The following NEB variants were observed in gnomAD, a reference collection of about 807,000 sequenced individuals.
NEB encodes the protein nebulin.
NEB carries 512 observed loss-of-function variants against 952.2 expected under a neutral mutation model. The observed-to-expected ratio is 0.54, with a 90% CI of 0.50 to 0.58. The LOEUF is 0.58. Ranked by LOEUF, NEB falls within the 20% of genes least tolerant of loss-of-function variation. NEB has a pLI of 0.00. For synonymous variants in NEB, 2,900 were observed against 3,149.8 expected (o/e 0.92, Z 2.66); for missense variants, 8,428 against 9,231.1 (o/e 0.91, Z 3.56).
At chr2:151,702,007 C>T (rs1218870202) in intron 13 of NEB, among the ~76,000 whole-genome samples, 4 of 149,302 alleles carry the variant, frequency 2.7e-5, no homozygotes, top group African/African-American at 5.0e-5. Context: ...GCATTTAGTG[C>T]TATAAATTCC....
intron 117 of NEB, 49 bp downstream of exon 117, chr2:151,564,995 A>G: frequency 8.8e-7 from 1 of 1,133,492 alleles, no homozygotes; most frequent in South Asian, 1.5e-5. Context: ...GAATGCAACA[A>G]GAGCTTCAAA....
intron 181 of NEB, among the ~76,000 whole-genome samples, chr2:151,487,357 A>T (rs1384630391): frequency 2.0e-5 from 3 of 152,178 alleles, no homozygotes. Flanking sequence ...GATGTAACCT[A>T]TATGGTTTTT....
In NEB at chr2:151,640,510, T is replaced by A. The variant is rs2098833425; in HGVS notation, c.8530A>T (p.Ser2844Cys). ...ACCCCCAGCATGTCCACTGGGCTGC[T>A]GAACTTGGTCTTCCACTTCTCAAAG... ...KDFEKWKTKF[S>C]SPVDMLGVVL... The change falls in exon 61 of 182, where the codon AGC (serine) becomes TGC (cysteine). Residue 2844 changes from serine to cysteine, a missense_variant. Physicochemically the swap from Ser to Cys is moderately radical, Grantham distance 112 (BLOSUM62 -1). Around this residue, in one of 11 missense-constraint regions of NEB, gnomAD observed 1,772 missense variants for 1,960.3 expected, o/e 0.90. Transcript: ENST00000397345. The A allele has an allele frequency of 3.1e-6, 5 of 1,613,868 alleles. No individual in the cohort carries two copies. The highest frequency in any genetic ancestry group is 4.2e-6 in the Non-Finnish European group (5 of 1,179,888).
chr2:151,501,186 T>C (rs912687360), intron 168 of NEB, among the ~76,000 whole-genome samples: 9 of 152,064 alleles, frequency 5.9e-5, no homozygotes, highest in African/African-American at 2.2e-4. Flanking sequence ...AAAGAAAAAG[T>C]TTTAAGGGAC....
At position 151,609,673 on chromosome 2, in the gene NEB, T is replaced by C. The variant is rs528135373; in HGVS notation, c.12330+136A>G. On this transcript the variant is annotated intron_variant, in intron 81 of 181. Coordinates refer to ENST00000397345, the MANE Select transcript of NEB (RefSeq NM_001164508.2). The stretch of plus-strand genomic sequence containing the variant: ...TAAAGATGGATTTTATATTAAACAA[T>C]GTGAATGGTACCCCCAGCCCCACCC... 1.4e-4 allele frequency: 88 copies of C among 650,504 alleles called. 1 individual carries two copies. In the South Asian group the frequency reaches 2.6e-3, roughly 19 times the overall value. 40.3% of individuals were successfully genotyped at this position (650,504 alleles called of 1,614,324 possible).
intron 27 of NEB, 94 bp downstream of exon 27, chr2:151,687,325 C>A (rs2099510466): frequency 3.9e-6 from 4 of 1,037,362 alleles, no homozygotes; most frequent in Non-Finnish European, 5.9e-6. Flanking sequence ...GTGAAAGAGC[C>A]CATGCTCATG....
At chr2:151,707,068 G>T in intron 12 of NEB, 71 bp from the exon 13 acceptor site, 1 of 908,486 alleles carries the variant, frequency 1.1e-6, no homozygotes, top group Non-Finnish European at 1.7e-6. Flanking sequence ...TTATGAATAT[G>T]ACATACTTCC....
chr2:151,666,334 T>G lies in NEB; in HGVS notation c.4787A>C (p.Asp1596Ala). ...ATTCATGTAGTGAACCAGTTTAGGA[T>G]CATCCTGAAGACTGAGAAATCCAAC... ...KQVGFLSLQD[D>A]PKLVHYMNVA... is the part of the protein sequence containing the mutation. The change falls in exon 41 of 182, where the codon GAT becomes GCT. Residue 1596 changes from aspartate (D) to alanine (A), a missense_variant. Physicochemically the swap from Asp to Ala is moderately radical, Grantham distance 126 (BLOSUM62 -2). This residue lies in a region of NEB where 2,851 missense variants were observed against 2,791.5 expected (regional missense o/e 1.02). Coordinates refer to ENST00000397345, the MANE Select transcript of NEB (RefSeq NM_001164508.2). 6.2e-7 allele frequency: 1 copy of G among 1,613,872 alleles called. No individual in the cohort carries two copies. The highest frequency in any genetic ancestry group is 8.5e-7 in the Non-Finnish European group (1 of 1,179,836).
At chr2:151,545,382 C>T (rs2094550713) in intron 135 of NEB, among the ~76,000 whole-genome samples, 1 of 151,742 alleles carries the variant, frequency 6.6e-6, no homozygotes, top group African/African-American at 2.4e-5. Context: ...TCGAGACCAG[C>T]CTGGCCAACA....
rs758831243 is a variant in NEB, at chr2:151,656,153, A to G, written c.6495T>C (p.Asp2165=). Residue 2165 remains aspartate (D), a splice_region_variant and synonymous_variant, in exon 49 of 182, where the codon GAT becomes GAC. Transcript: ENST00000397345. ...TCACCCAAGTAGAAGAAAGCCTTAC[A>G]TCACTCTGTATGCGATTCATATTCC... ...LTRNMNRIQS[D]NEYKQDYNEW... is the part of the protein sequence containing the mutation. 6.3e-7 allele frequency: 1 copy of G among 1,583,460 alleles called. No homozygotes were observed. Among genetic ancestry groups the G allele is most frequent in the South Asian group, 1.2e-5 (1 of 84,918 alleles).
At chr2:151,620,419 C>T (rs1388607041) in intron 72 of NEB, among the ~76,000 whole-genome samples, 1 of 118,078 alleles carries the variant, frequency 8.5e-6, no homozygotes, top group African/African-American at 3.3e-5. Context: ...CATTTAAAAA[C>T]CTATAAAAAT....
intron 123 of NEB, 30 bp downstream of exon 123, chr2:151,560,974 T>C (rs1319971917): frequency 2.2e-6 from 3 of 1,374,554 alleles, no homozygotes; most frequent in East Asian, 4.6e-5. Context: ...AGGTGGCTCA[T>C]ATATAAGGGG....
intron 34 of NEB, among the ~76,000 whole-genome samples, chr2:151,676,579 C>T (rs1269261024): frequency 6.6e-6 from 1 of 152,126 alleles, no homozygotes. Flanking sequence ...CAATCCTGAA[C>T]CTTTTGCTTT....
intron 181 of NEB, 84 bp downstream of exon 181, chr2:151,489,887 A>C (rs6733688): frequency 0.017 from 17,113 of 1,023,528 alleles, 198 homozygotes; most frequent in South Asian, 0.024. Flanking sequence ...GTTAAAAAAA[A>C]CCGTAATACC....
intron 70 of NEB, among the ~76,000 whole-genome samples, chr2:151,626,275 C>T (rs916693631): frequency 2.6e-4 from 40 of 151,928 alleles, no homozygotes; most frequent in Non-Finnish European, 1.3e-4. Context: ...TCACCACACC[C>T]GGCTAACTTT....
In NEB at chr2:151,569,137, T is replaced by C. The variant is rs1490477195; in HGVS notation, c.17535+131A>G. The C allele has an allele frequency of 1.1e-5, 8 of 744,028 alleles. No individual in the cohort carries two copies. In the East Asian group the frequency reaches 1.9e-4, roughly 18 times the overall value. The allele number at this position is 744,028 out of a possible 1,614,324, so 46.1% of individuals were successfully genotyped here. On this transcript the variant is annotated intron_variant, in intron 110 of 181. Transcript: ENST00000397345. Reference sequence around the variant, plus strand: ...TAGCGACAGTACATTTTGAAAAATATATATGCTCAGTTTAAATCACAGCAA... The same window carrying C: ...TAGCGACAGTACATTTTGAAAAATACATATGCTCAGTTTAAATCACAGCAA...
intron 72 of NEB, 32 bp downstream of exon 72, chr2:151,620,887 G>A: frequency 6.6e-7 from 1 of 1,519,902 alleles, no homozygotes; most frequent in South Asian, 1.2e-5. Context: ...TGGCATGATG[G>A]TAAGAAATGT....
At chr2:151,514,763 T>A (rs1318755553) in intron 158 of NEB, 55 bp downstream of exon 158, 3 of 1,213,434 alleles carry the variant, frequency 2.5e-6, no homozygotes, top group Non-Finnish European at 2.4e-6. Context: ...TTAATGAGTG[T>A]CACTAGTGCA....
At position 151,695,629 on chromosome 2, in the gene NEB, A is replaced by AG; in HGVS notation, c.1622dup (p.Asp542Ter). 1 of 1,613,922 alleles carries AG rather than the reference A, an allele frequency of 6.2e-7. No homozygotes were observed. Among genetic ancestry groups the AG allele is most frequent in the Non-Finnish European group, 8.5e-7 (1 of 1,179,836 alleles). ...TGTGCTGGATAAAAGCAGGAGTATC[A>AG]GGGGGGATATGGCACTTGAACTTTT... is the stretch of plus-strand genomic sequence containing the variant. On this transcript the variant is annotated frameshift_variant, in exon 18 of 182. Transcript: ENST00000397345. LOFTEE classifies it high-confidence loss of function.
Sources: allele counts gnomAD v4.1 joint callset (sites outside exome capture counted in the v4.1 genomes callset), GRCh38; gene constraint gnomAD v4.1.1; regional missense constraint gnomAD v4.1.1; transcripts MANE v1.5; gene names NCBI Gene and HGNC (gene_info 2026-07-23, HGNC 2026-07-21).